The following GPR39 variants were observed in gnomAD, a reference collection of about 807,000 sequenced individuals.
GPR39 encodes the protein G protein-coupled receptor 39.
Under a neutral mutation model 18.4 loss-of-function variants are expected in GPR39, and 23 were observed. That is an observed-to-expected ratio of 1.25 (90% CI 0.90 to 1.77). The LOEUF is 1.77. Ranked by LOEUF, GPR39 falls within the 40% of genes most tolerant of loss-of-function variation. GPR39 has a pLI of 0.00. For synonymous variants in GPR39, 280 were observed against 257.9 expected, an observed-to-expected ratio of 1.09 and a Z score of -0.82; for missense variants, 647 against 602.4, an observed-to-expected ratio of 1.07 and a Z score of -0.78.
Position 132,645,100 on chromosome 2 carries a change from G to A in GPR39, c.857-1G>A, listed in dbSNP as rs759642837. 6.2e-7 allele frequency: 1 copy of A among 1,610,882 alleles called. No homozygotes were observed. Among genetic ancestry groups the A allele is most frequent in the Admixed American group, 1.7e-5 (1 of 59,916 alleles). On this transcript the variant is annotated splice_acceptor_variant, in intron 1 of 1. Transcript: ENST00000329321. LOFTEE classifies it high-confidence loss of function. ...TCTCCCTCCTGCTCGTGTCTGCCCA[G>A]GGCTGATTGTTGTGACATTGGCCGT...
chr2:132,555,525 G>A (rs556487759), intron 1 of GPR39, among the ~76,000 whole-genome samples: 4 of 152,256 alleles, frequency 2.6e-5, no homozygotes, highest in African/African-American at 9.6e-5. Flanking sequence ...TTTATTCTGG[G>A]TAGGGCTACT....
At chr2:132,571,272 T>C (rs1477587454) in intron 1 of GPR39, among the ~76,000 whole-genome samples, 1 of 152,200 alleles carries the variant, frequency 6.6e-6, no homozygotes, top group African/African-American at 2.4e-5. Context: ...AGAGGTATCT[T>C]TGGAGTGTCT....
rs755287198 is a variant in GPR39 at position 132,417,616 on chromosome 2, A to C, written c.574A>C (p.Asn192His). The C allele has an allele frequency of 6.2e-7, 1 of 1,614,016 alleles. No individual in the cohort carries two copies. The highest frequency in any genetic ancestry group is 8.5e-7 in the Non-Finnish European group (1 of 1,180,006). ...GCCCAGCCACCGGGGTCTCACTTGC[A>C]ACCGCTCCAGCACCCGCCACCACGA... ...NVPSHRGLTC[N>H]RSSTRHHEQP... The change falls in exon 1 of 2, where the codon AAC becomes CAC. Residue 192 changes from asparagine (N) to histidine (H), a missense_variant. Physicochemically the swap from Asn to His is moderately conservative, Grantham distance 68 (BLOSUM62 1). Coordinates refer to ENST00000329321, the MANE Select transcript of GPR39 (RefSeq NM_001508.3).
At chr2:132,566,527 ATC>A (rs1271011585) in intron 1 of GPR39, among the ~76,000 whole-genome samples, 1 of 152,154 alleles carries the variant, frequency 6.6e-6, no homozygotes, top group Non-Finnish European at 1.5e-5. Context: ...GTGTCCTTTC[ATC>A]TCTCTAGGAG....
intron 1 of GPR39, among the ~76,000 whole-genome samples, chr2:132,629,646 C>G (rs1681614063): frequency 6.6e-6 from 1 of 152,194 alleles, no homozygotes; most frequent in Admixed American, 6.5e-5. Flanking sequence ...CATCTGTCAT[C>G]TTTGAGGTCG....
intron 1 of GPR39, among the ~76,000 whole-genome samples, chr2:132,609,235 C>T (rs1361025047): frequency 6.6e-6 from 1 of 152,188 alleles, no homozygotes; most frequent in African/African-American, 2.4e-5. Flanking sequence ...TAGGTTTCTT[C>T]TTCCTCATTG....
intron 1 of GPR39, among the ~76,000 whole-genome samples, chr2:132,525,866 A>C (rs377013445): frequency 6.6e-6 from 1 of 152,288 alleles, no homozygotes; most frequent in South Asian, 2.1e-4. Flanking sequence ...CTGGGGCCCA[A>C]AAAAGGGGGT....
At chr2:132,615,805 G>A (rs146325069) in intron 1 of GPR39, among the ~76,000 whole-genome samples, 92 of 152,232 alleles carry the variant, frequency 6.0e-4, no homozygotes, top group African/African-American at 2.1e-3. Flanking sequence ...GGCAAGCTAG[G>A]TACCTGGGAT....
At chr2:132,493,375 A>G (rs977434116) in intron 1 of GPR39, among the ~76,000 whole-genome samples, 3 of 145,028 alleles carry the variant, frequency 2.1e-5, no homozygotes, top group Non-Finnish European at 4.6e-5. Context: ...CACTATATAT[A>G]TACACACCGT....
intron 1 of GPR39, among the ~76,000 whole-genome samples, chr2:132,562,364 G>A (rs950425816): frequency 6.6e-6 from 1 of 152,160 alleles, no homozygotes; most frequent in African/African-American, 2.4e-5. Flanking sequence ...TGTTATACAA[G>A]CCTTTTTGCA....
intron 1 of GPR39, among the ~76,000 whole-genome samples, chr2:132,564,830 T>TTC (rs1223301740): frequency 7.0e-6 from 1 of 143,092 alleles, no homozygotes; most frequent in Non-Finnish European, 1.5e-5. Flanking sequence ...TTTTTTTTTT[T>TTC]TGTTGAGACA....
At position 132,417,173 on chromosome 2, in the gene GPR39, G is replaced by A; in HGVS notation, c.131G>A (p.Gly44Asp). 1.2e-6 allele frequency: 2 copies of A among 1,614,126 alleles called. No homozygotes were observed. Among genetic ancestry groups the A allele is most frequent in the Non-Finnish European group, 1.7e-6 (2 of 1,180,020 alleles). Residue 44 changes from glycine to aspartate, a missense_variant, in exon 1 of 2, where the codon GGC (glycine) becomes GAC (aspartate). Physicochemically the swap from Gly to Asp is moderately conservative, Grantham distance 94 (BLOSUM62 -1). This residue lies in a region of GPR39 where 61 missense variants were observed against 79.2 expected (regional missense o/e 0.77). Coordinates refer to ENST00000329321, the MANE Select transcript of GPR39 (RefSeq NM_001508.3). ...ILVYLIIFVM[G>D]LLGNSATIRV... is the part of the protein sequence containing the mutation. ...GTGTACCTGATCATCTTCGTGATGG[G>A]CCTTCTGGGGAACAGCGCCACCATT...
chr2:132,594,991 TTTG>T (rs1240767532), intron 1 of GPR39, among the ~76,000 whole-genome samples: 10 of 152,048 alleles, frequency 6.6e-5, no homozygotes, highest in Non-Finnish European at 7.4e-5. Flanking sequence ...GGTGAATTGA[TTTG>T]TTGTTGTTGT....
intron 1 of GPR39, among the ~76,000 whole-genome samples, chr2:132,524,492 A>G (rs4401256): frequency 6.6e-6 from 1 of 151,966 alleles, no homozygotes; most frequent in Non-Finnish European, 1.5e-5. Context: ...ACAAGCAACA[A>G]CCTGCACTTT....
chr2:132,575,555 C>T (rs554689261), intron 1 of GPR39, among the ~76,000 whole-genome samples: 9 of 152,290 alleles, frequency 5.9e-5, no homozygotes, highest in South Asian at 2.1e-4. Context: ...TGTACCATAT[C>T]GCATTCCCAC....
chr2:132,561,390 G>T (rs2104804174), intron 1 of GPR39, among the ~76,000 whole-genome samples: 1 of 152,164 alleles, frequency 6.6e-6, no homozygotes, highest in Non-Finnish European at 1.5e-5. Flanking sequence ...CATGGTCCTG[G>T]CTCCTGCCCC....
At chr2:132,531,371 G>A (rs1203988091) in intron 1 of GPR39, among the ~76,000 whole-genome samples, 2 of 151,814 alleles carry the variant, frequency 1.3e-5, no homozygotes, top group African/African-American at 2.4e-5. Flanking sequence ...TTAGTGACCT[G>A]CAAAGAGACT....
chr2:132,576,094 G>A (rs1463097102), intron 1 of GPR39, among the ~76,000 whole-genome samples: 2 of 152,104 alleles, frequency 1.3e-5, no homozygotes, highest in Non-Finnish European at 2.9e-5. Context: ...CCAACCGATG[G>A]CATTTTTAAC....
At chr2:132,461,855 G>T (rs1680838122) in intron 1 of GPR39, among the ~76,000 whole-genome samples, 1 of 152,196 alleles carries the variant, frequency 6.6e-6, no homozygotes, top group Non-Finnish European at 1.5e-5. Context: ...GAGGGATTTG[G>T]AATACTCAGA....
Sources: gnomAD v4.1 joint callset for allele counts (sites outside exome capture counted in the v4.1 genomes callset) on GRCh38, gnomAD v4.1.1 for gene constraint, gnomAD v4.1.1 regional missense constraint, MANE v1.5 for transcripts, NCBI Gene and HGNC (gene_info 2026-07-23, HGNC 2026-07-21) for gene names.